The following PJA2 variants were observed in gnomAD, a reference collection of about 807,000 sequenced individuals.
The protein encoded by PJA2 is E3 ubiquitin-protein ligase Praja-2.
PJA2 carries 25 observed loss-of-function variants against 69.3 expected under a neutral mutation model. That is an observed-to-expected ratio of 0.36 (90% CI 0.26 to 0.50). The LOEUF is 0.50. PJA2 is among the 20% of genes least tolerant of loss of function. The probability of loss-of-function intolerance (pLI) is 0.96; values close to 1 mark genes in which losing one functional copy is unlikely to be tolerated. For synonymous variants in PJA2, 308 were observed against 277.8 expected (o/e 1.11, Z -1.08); for missense variants, 809 against 830.2 (o/e 0.97, Z 0.31).
In PJA2 at chr5:109,368,618, AG is replaced by A. The variant is rs1561352512; in HGVS notation, c.1411del (p.Leu471TyrfsTer72). On this transcript the variant is annotated frameshift_variant, in exon 5 of 10. Transcript: ENST00000361189. LOFTEE classifies it high-confidence loss of function. ...TTCAGGGCCACTGCTATCACTTTGT[AG>A]CTCAGGTTCATTCTCATCTTTTCCT... ...LPGKDENEPE[L>X]QSDSSGPEEE... is the part of the protein sequence containing the mutation. 1 of 1,614,144 alleles carries A rather than the reference AG, an allele frequency of 6.2e-7. No individual in the cohort carries two copies. The highest frequency in any genetic ancestry group is 8.5e-7 in the Non-Finnish European group (1 of 1,180,022).
chr5:109,366,398 G>T, intron 5 of PJA2, among the ~76,000 whole-genome samples: 1 of 152,152 alleles, frequency 6.6e-6, no homozygotes, highest in East Asian at 1.9e-4. Flanking sequence ...GAAAAACTGG[G>T]CTTCTTAAAT....
At chr5:109,358,911 A>C (rs1007225024) in intron 6 of PJA2, among the ~76,000 whole-genome samples, 6 of 152,218 alleles carry the variant, frequency 3.9e-5, no homozygotes, top group African/African-American at 1.4e-4. Flanking sequence ...TGATAGTTTA[A>C]AAAGAAACAG....
intron 7 of PJA2, among the ~76,000 whole-genome samples, chr5:109,353,432 ACC>A (rs1762310847): frequency 2.0e-5 from 1 of 50,444 alleles, no homozygotes; most frequent in Non-Finnish European, 6.2e-5. Flanking sequence ...TATATTAGAT[ACC>A]TATATATAGA....
intron 4 of PJA2, among the ~76,000 whole-genome samples, chr5:109,369,886 G>T (rs1193326836): frequency 6.6e-6 from 1 of 152,100 alleles, no homozygotes; most frequent in Non-Finnish European, 1.5e-5. Flanking sequence ...TACAAAATTA[G>T]CTGGGCGTGG....
intron 4 of PJA2, among the ~76,000 whole-genome samples, chr5:109,373,241 C>T (rs537991922): frequency 1.3e-5 from 2 of 152,018 alleles, no homozygotes; most frequent in East Asian, 3.9e-4. Flanking sequence ...AATAACAGAG[C>T]AAGAAAAAGT....
At chr5:109,377,460 G>A (rs947726606) in intron 4 of PJA2, among the ~76,000 whole-genome samples, 1 of 151,894 alleles carries the variant, frequency 6.6e-6, no homozygotes, top group Non-Finnish European at 1.5e-5. Context: ...TTGTCTTATG[G>A]TTTGGAAAAA....
Position 109,406,336 on chromosome 5 carries a change from G to A in PJA2, c.-88+3506C>T, listed in dbSNP as rs569751461. ...ATTACAGGCGTGAGCCACCGCGCCA[G>A]GCCCACCCATTGTTGTTTGTTTGTT... On this transcript the variant is annotated intron_variant, in intron 1 of 9. Transcript: ENST00000361189. Among the ~76,000 whole-genome samples the A allele has an allele frequency of 2.6e-5, 4 of 152,298 alleles. No individual in the cohort carries two copies. The South Asian group carries it at 8.3e-4, about 32-fold the overall frequency.
At chr5:109,405,952 G>C (rs976386864) in intron 1 of PJA2, among the ~76,000 whole-genome samples, 2 of 150,754 alleles carry the variant, frequency 1.3e-5, no homozygotes, top group Non-Finnish European at 2.9e-5. Flanking sequence ...AGATTGCAGT[G>C]TGTGTGTGTG....
intron 1 of PJA2, among the ~76,000 whole-genome samples, chr5:109,403,306 A>T (rs1039208947): frequency 6.6e-6 from 1 of 152,138 alleles, no homozygotes; most frequent in East Asian, 1.9e-4. Context: ...TCATACAAAG[A>T]CCGAAAGCTT....
At chr5:109,360,454 T>C (rs1017436397) in intron 6 of PJA2, among the ~76,000 whole-genome samples, 2 of 152,052 alleles carry the variant, frequency 1.3e-5, no homozygotes, top group Non-Finnish European at 2.9e-5. Context: ...TTCTAAGCAG[T>C]GGCAAAACAA....
intron 7 of PJA2, among the ~76,000 whole-genome samples, chr5:109,354,638 ATATATGT>A (rs1308130738): frequency 1.5e-5 from 2 of 137,556 alleles, no homozygotes; most frequent in Non-Finnish European, 3.3e-5. Context: ...GATATATTAG[ATATATGT>A]TATATATCTA....
At chr5:109,352,694 T>A (rs1448280259) in intron 7 of PJA2, among the ~76,000 whole-genome samples, 1 of 151,964 alleles carries the variant, frequency 6.6e-6, no homozygotes, top group Non-Finnish European at 1.5e-5. Flanking sequence ...GTAAAAAAAG[T>A]GATGACAAAG....
chr5:109,349,933 A>G (rs925621095), intron 7 of PJA2, among the ~76,000 whole-genome samples: 1 of 152,172 alleles, frequency 6.6e-6, no homozygotes. Flanking sequence ...ACATAGCTAT[A>G]ATTATGAATC....
intron 5 of PJA2, among the ~76,000 whole-genome samples, chr5:109,363,407 T>C (rs1279161385): frequency 6.6e-6 from 1 of 152,220 alleles, no homozygotes; most frequent in African/African-American, 2.4e-5. Flanking sequence ...TTCAAATCCC[T>C]ACATAACACA....
rs1747800056 is a variant in PJA2, at chr5:109,409,968, C to T, written c.-214G>A. The T allele has an allele frequency of 3.2e-5, 7 of 215,774 alleles. No homozygotes were observed. The highest frequency in any genetic ancestry group is 1.1e-4 in the South Asian group (2 of 18,238). The allele number at this position is 215,774 out of a possible 1,614,324, so 13.4% of individuals were successfully genotyped here. ...CGGCTGGCGGCTGTGGCGGCGGCGG[C>T]GGCGGTGGCGGCGGCGGAAGCAGAG... On this transcript the variant is annotated 5_prime_UTR_variant, in exon 1 of 10. Coordinates refer to ENST00000361189, the MANE Select transcript of PJA2 (RefSeq NM_014819.5).
At chr5:109,380,083 G>GTTT (rs1358046158) in intron 3 of PJA2, among the ~76,000 whole-genome samples, 25 of 140,002 alleles carry the variant, frequency 1.8e-4, no homozygotes, top group Non-Finnish European at 3.3e-4. Flanking sequence ...GGTACGAAGG[G>GTTT]TTCTTTTTTT....
intron 1 of PJA2, among the ~76,000 whole-genome samples, chr5:109,391,668 G>C (rs1205331699): frequency 6.6e-6 from 1 of 151,302 alleles, no homozygotes; most frequent in Non-Finnish European, 1.5e-5. Flanking sequence ...AATTGGAAAG[G>C]AAAGAAAAAT....
At chr5:109,386,826 T>C (rs1747169541) in intron 1 of PJA2, among the ~76,000 whole-genome samples, 1 of 151,812 alleles carries the variant, frequency 6.6e-6, no homozygotes, top group African/African-American at 2.4e-5. Context: ...TGTCTACCTA[T>C]TTATCCTCAT....
In PJA2 at chr5:109,368,679, G is replaced by C; in HGVS notation, c.1351C>G (p.Gln451Glu). The C allele has an allele frequency of 6.2e-7, 1 of 1,614,120 alleles. No homozygotes were observed. Among genetic ancestry groups the C allele is most frequent in the Non-Finnish European group, 8.5e-7 (1 of 1,180,022 alleles). The change falls in exon 5 of 10, where the codon CAA becomes GAA. Residue 451 changes from glutamine to glutamate, a missense_variant. Gln to Glu is a conservative substitution (Grantham distance 29). Around this residue, in one of 4 missense-constraint regions of PJA2, gnomAD observed 700 missense variants for 639.5 expected, o/e 1.09. Transcript: ENST00000361189. ...TCCCAGCTTTCATCACTTGAGGATT[G>C]ATCTTTTTCTGTACCAGAAAATCGA... ...PHRFSGTEKD[Q>E]SSSDESWETL...
Sources: allele counts gnomAD v4.1 joint callset (sites outside exome capture counted in the v4.1 genomes callset), GRCh38; gene constraint gnomAD v4.1.1; regional missense constraint gnomAD v4.1.1; transcripts MANE v1.5; gene names NCBI Gene and HGNC (gene_info 2026-07-23, HGNC 2026-07-21).